TAF12: variants seen among roughly 807,000 people sequenced by gnomAD.
TAF12 encodes transcription initiation factor TFIID subunit 12.
In TAF12, 3 loss-of-function variants were observed where a neutral mutation model predicts 20.8. The observed-to-expected ratio is 0.14, with a 90% CI of 0.07 to 0.37. TAF12 has a LOEUF of 0.37. Ranked by LOEUF, TAF12 falls within the 10% of genes least tolerant of loss-of-function variation. The pLI is 1.00. For missense variants in TAF12, 131 were observed against 197.9 expected (o/e 0.66, Z 2.03); for synonymous variants, 69 against 70.2 (o/e 0.98, Z 0.09).
intron 1 of TAF12, among the ~76,000 whole-genome samples, chr1:28,628,228 TGGGGG>T (rs760486849): frequency 5.2e-4 from 2 of 3,872 alleles, no homozygotes; most frequent in Non-Finnish European, 4.5e-4. Context: ...GTGCAGGGGG[TGGGGG>T]GGGGGGGGGC....
At chr1:28,611,744 G>A (rs1666867757) in intron 4 of TAF12, among the ~76,000 whole-genome samples, 1 of 152,106 alleles carries the variant, frequency 6.6e-6, no homozygotes, top group Non-Finnish European at 1.5e-5. Context: ...CTGGCCTGCA[G>A]AACTGTGAGA....
intron 1 of TAF12, among the ~76,000 whole-genome samples, chr1:28,623,350 C>T (rs1351045853): frequency 1.3e-5 from 2 of 151,874 alleles, no homozygotes; most frequent in African/African-American, 4.8e-5. Flanking sequence ...GGAGAAACCC[C>T]AACTCTACTA....
intron 4 of TAF12, among the ~76,000 whole-genome samples, chr1:28,608,323 C>CTAT (rs1266525395): frequency 6.7e-6 from 1 of 150,180 alleles, no homozygotes; most frequent in Non-Finnish European, 1.5e-5. Flanking sequence ...CCAGCGTGGG[C>CTAT]GATAGAGCAA....
intron 4 of TAF12, among the ~76,000 whole-genome samples, chr1:28,608,670 G>C (rs144633895): frequency 1.3e-5 from 2 of 151,346 alleles, no homozygotes; most frequent in Non-Finnish European, 2.9e-5. Context: ...CAGGAGAATC[G>C]CTTGAACCCG....
intron 3 of TAF12, 69 bp downstream of exon 3, chr1:28,617,884 T>C (rs1037985683): frequency 6.8e-7 from 1 of 1,467,416 alleles, no homozygotes. Flanking sequence ...CTGGCCTGTT[T>C]GTGCTCTTAA....
chr1:28,618,143 A>T (rs754601835), intron 2 of TAF12, 113 bp from the exon 3 acceptor site: 1 of 931,348 alleles, frequency 1.1e-6, no homozygotes, highest in African/African-American at 1.6e-5. Flanking sequence ...CCACTTTCCA[A>T]TGAGTTCACA....
chr1:28,617,992 T>A lies in TAF12; in HGVS notation c.207A>T (p.Glu69Asp), dbSNP rs569037333. 1.2e-6 allele frequency: 2 copies of A among 1,614,028 alleles called. No homozygotes were observed. The highest frequency in any genetic ancestry group is 1.7e-6 in the Non-Finnish European group (2 of 1,179,972). The change falls in exon 3 of 6, where the codon GAA becomes GAT. Residue 69 changes from glutamate (E) to aspartate (D), a missense_variant. Around this residue, in one of 3 missense-constraint regions of TAF12, gnomAD observed 8 missense variants for 35.6 expected, o/e 0.22. Transcript: ENST00000373824. Reference protein sequence around the residue: ...TKKKLQDLVREVDPNEQLDED... With the variant: ...TKKKLQDLVRDVDPNEQLDED... The stretch of plus-strand genomic sequence containing the variant: ...CATCCAACTGCTCATTAGGATCCAC[T>A]TCTCTTACTAAGTCCTGTAATTTCT...
At chr1:28,610,718 T>TA (rs1173030751) in intron 4 of TAF12, among the ~76,000 whole-genome samples, 2 of 151,788 alleles carry the variant, frequency 1.3e-5, no homozygotes, top group African/African-American at 4.8e-5. Flanking sequence ...TCTCAGCACT[T>TA]AGGGAGGCTG....
chr1:28,623,768 G>A (rs186936898), intron 1 of TAF12, among the ~76,000 whole-genome samples: 7 of 152,216 alleles, frequency 4.6e-5, no homozygotes, highest in Admixed American at 4.6e-4. Flanking sequence ...TCTTTATCAA[G>A]AGCAATTTTT....
intron 1 of TAF12, among the ~76,000 whole-genome samples, chr1:28,625,969 C>T (rs1415223962): frequency 6.6e-6 from 1 of 151,700 alleles, no homozygotes; most frequent in African/African-American, 2.4e-5. Flanking sequence ...CTTGGGCCAC[C>T]ACACTCAGCC....
chr1:28,618,903 C>T (rs1667122498), intron 2 of TAF12, among the ~76,000 whole-genome samples: 1 of 152,058 alleles, frequency 6.6e-6, no homozygotes, highest in Non-Finnish European at 1.5e-5. Flanking sequence ...CAAAAGAAAG[C>T]CAGGCACAGT....
At chr1:28,638,085 C>G (rs1410643605) in intron 1 of TAF12, among the ~76,000 whole-genome samples, 5 of 152,158 alleles carry the variant, frequency 3.3e-5, no homozygotes, top group Non-Finnish European at 2.9e-5. Flanking sequence ...ACTGCAACCT[C>G]TGCCTCCTGG....
chr1:28,618,681 T>A (rs1449567636), intron 2 of TAF12, among the ~76,000 whole-genome samples: 1 of 151,908 alleles, frequency 6.6e-6, no homozygotes, highest in African/African-American at 2.4e-5. Context: ...CTTGCTTAGC[T>A]CATGGTGCCT....
At chr1:28,643,086 A>C, upstream of TAF12, 1 of 985,682 alleles carries the variant, frequency 1.0e-6, no homozygotes, top group Non-Finnish European at 1.2e-6. Flanking sequence ...CTCCCCGACT[A>C]CTTCCGGCAC....
At chr1:28,605,526 C>T in intron 4 of TAF12, 66 bp from the exon 5 acceptor site, 1 of 1,500,886 alleles carries the variant, frequency 6.7e-7, no homozygotes, top group Non-Finnish European at 9.2e-7. Flanking sequence ...TGCAATGTGA[C>T]CCCCTTGGAT....
Position 28,643,045 on chromosome 1 carries a change from T to C in TAF12, c.-138A>G. On this transcript the variant is annotated 5_prime_UTR_variant, in exon 1 of 6. Coordinates refer to ENST00000373824, the MANE Select transcript of TAF12 (RefSeq NM_005644.4). ...TGCAGAGACTGCCCCAGTGAAGCGT[T>C]CGTCTCAGCAGCCGGTCCGACTGCG... 1.0e-6 allele frequency: 1 copy of C among 985,856 alleles called. No individual in the cohort carries two copies. Among genetic ancestry groups the C allele is most frequent in the Non-Finnish European group, 1.2e-6 (1 of 829,930 alleles). 61.1% of individuals were successfully genotyped at this position (985,856 alleles called of 1,614,324 possible). A position where few individuals can be genotyped will look rare whatever the true frequency, so the allele number is the denominator to read the frequency against.
chr1:28,639,426 C>CAAAAAAAAAAAAAAAAAAAA (rs58772752), intron 1 of TAF12, among the ~76,000 whole-genome samples: 16 of 89,478 alleles, frequency 1.8e-4, no homozygotes, highest in African/African-American at 3.9e-4. Flanking sequence ...CTCCGTCTCA[C>CAAAAAAAAAAAAAAAAAAAA]AAAAAAAAAA....
intron 1 of TAF12, among the ~76,000 whole-genome samples, chr1:28,634,314 G>A (rs554839675): frequency 2.0e-5 from 3 of 151,400 alleles, no homozygotes; most frequent in Non-Finnish European, 2.9e-5. Context: ...TATTTAGGAG[G>A]CTGAGGCAGG....
Position 28,618,035 on chromosome 1 carries a change from A to C in TAF12, c.169-5T>G. The C allele has an allele frequency of 6.2e-7, 1 of 1,611,396 alleles. No homozygotes were observed. Among genetic ancestry groups the C allele is most frequent in the Non-Finnish European group, 8.5e-7 (1 of 1,178,404 alleles). ...TAATTTCTTCTTGGTCAATACCTAA[A>C]GTTAATTGGAAGAAGACTTTTCAAC... On this transcript the variant is annotated splice_region_variant and splice_polypyrimidine_tract_variant and intron_variant, in intron 2 of 5. Coordinates refer to ENST00000373824, the MANE Select transcript of TAF12 (RefSeq NM_005644.4).
Sources: allele counts gnomAD v4.1 joint callset (sites outside exome capture counted in the v4.1 genomes callset), GRCh38; gene constraint gnomAD v4.1.1; regional missense constraint gnomAD v4.1.1; transcripts MANE v1.5; gene names NCBI Gene and HGNC (gene_info 2026-07-23, HGNC 2026-07-21).